Variants in SORCS3 observed in about 807,000 individuals in gnomAD.
SORCS3 encodes the protein VPS10 domain-containing receptor SorCS3.
A neutral mutation model predicts 146.3 loss-of-function variants in SORCS3; 57 were observed. The observed-to-expected ratio is 0.39, with a 90% CI of 0.31 to 0.49. SORCS3 has a LOEUF of 0.49. Among genes scored for constraint, SORCS3 ranks in the 20% least tolerant of loss-of-function variants. The probability of loss-of-function intolerance (pLI) is 0.92; values close to 1 mark genes in which losing one functional copy is unlikely to be tolerated. For missense variants in SORCS3, 1,341 were observed against 1,575.5 expected, an observed-to-expected ratio of 0.85 and a Z score of 2.52; for synonymous variants, 653 against 618.5, an observed-to-expected ratio of 1.06 and a Z score of -0.83.
At chr10:104,794,922 A>G (rs1369477417) in intron 1 of SORCS3, among the ~76,000 whole-genome samples, 1 of 151,882 alleles carries the variant, frequency 6.6e-6, no homozygotes, top group Non-Finnish European at 1.5e-5. Flanking sequence ...AGATGGTCTC[A>G]GTGTGGTAAA....
At chr10:104,845,751 G>A (rs1486064403) in intron 2 of SORCS3, among the ~76,000 whole-genome samples, 3 of 152,194 alleles carry the variant, frequency 2.0e-5, no homozygotes, top group Non-Finnish European at 4.4e-5. Context: ...ACCAATTTCT[G>A]TCTAGTCAAA....
intron 4 of SORCS3, among the ~76,000 whole-genome samples, chr10:105,004,519 C>T (rs1270742348): frequency 6.6e-6 from 1 of 152,104 alleles, no homozygotes; most frequent in African/African-American, 2.4e-5. Context: ...CTGCCAGAAA[C>T]TTGGGGACTA....
chr10:104,940,229 T>TA (rs2019301390), intron 3 of SORCS3, among the ~76,000 whole-genome samples: 2 of 17,064 alleles, frequency 1.2e-4, no homozygotes, highest in Non-Finnish European at 1.9e-4. Flanking sequence ...TATATATATA[T>TA]ATATATATAT....
Position 105,157,247 on chromosome 10 carries a change from A to T in SORCS3, c.1592A>T (p.Asp531Val). 6.2e-7 allele frequency: 1 copy of T among 1,614,058 alleles called. No homozygotes were observed. The highest frequency in any genetic ancestry group is 8.5e-7 in the Non-Finnish European group (1 of 1,179,956). ...GATTGGCGCCTGCTGCAAGCTCCGG[A>T]TGTGGACCTGAGAGGAAGCCCAGTG... is the stretch of plus-strand genomic sequence containing the variant. ...GRDWRLLQAP[D>V]VDLRGSPVHC... Residue 531 changes from aspartate to valine, a missense_variant, in exon 10 of 27, where the codon GAT (aspartate) becomes GTT (valine). By Grantham distance (152) the Asp-to-Val change is radical. Transcript: ENST00000369701.
At chr10:104,932,022 C>T (rs907717250) in intron 3 of SORCS3, among the ~76,000 whole-genome samples, 3 of 152,128 alleles carry the variant, frequency 2.0e-5, no homozygotes, top group Non-Finnish European at 2.9e-5. Context: ...ACTTAGTGTG[C>T]ACGTTAGCTC....
intron 20 of SORCS3, among the ~76,000 whole-genome samples, chr10:105,228,398 T>G (rs565793430): frequency 6.6e-6 from 1 of 151,820 alleles, no homozygotes; most frequent in South Asian, 2.1e-4. Flanking sequence ...TCTTTCCTTC[T>G]GTTTCTTCTT....
At chr10:104,763,585 A>T (rs1294585449) in intron 1 of SORCS3, among the ~76,000 whole-genome samples, 1 of 152,218 alleles carries the variant, frequency 6.6e-6, no homozygotes, top group Non-Finnish European at 1.5e-5. Flanking sequence ...TTCCCTTATG[A>T]TGGCCACTCT....
At chr10:104,915,755 A>G (rs929655412) in intron 2 of SORCS3, 78 bp from the exon 3 acceptor site, 141 of 1,207,966 alleles carry the variant, frequency 1.2e-4, no homozygotes, top group Non-Finnish European at 1.6e-4. Context: ...CGGTCGAGGG[A>G]GAACCTGGCT....
chr10:105,154,380 G>A (rs2056190826), intron 9 of SORCS3, among the ~76,000 whole-genome samples: 1 of 152,232 alleles, frequency 6.6e-6, no homozygotes, highest in Admixed American at 6.5e-5. Flanking sequence ...GTCTCTGGGA[G>A]GTGACCAACA....
At chr10:105,138,196 A>C (rs10884103) in intron 7 of SORCS3, among the ~76,000 whole-genome samples, 16,900 of 152,210 alleles carry the variant, frequency 0.11, 1,105 homozygotes, top group Admixed American at 0.17. Context: ...CTTTGCACCA[A>C]GTTTTTCCAA....
intron 4 of SORCS3, among the ~76,000 whole-genome samples, chr10:104,983,952 G>A (rs1488344320): frequency 1.3e-5 from 2 of 152,032 alleles, no homozygotes; most frequent in Non-Finnish European, 2.9e-5. Flanking sequence ...CATCTCATGA[G>A]TCTGATGAAT....
intron 1 of SORCS3, among the ~76,000 whole-genome samples, chr10:104,799,438 A>C (rs1374104994): frequency 1.3e-5 from 2 of 152,162 alleles, no homozygotes; most frequent in African/African-American, 4.8e-5. Flanking sequence ...GCAAGCTATC[A>C]CAAGATCAGA....
intron 7 of SORCS3, among the ~76,000 whole-genome samples, chr10:105,116,810 C>T (rs2055896631): frequency 6.6e-6 from 1 of 152,144 alleles, no homozygotes; most frequent in Admixed American, 6.5e-5. Flanking sequence ...CTCACGTTCT[C>T]ACTTGTAAGT....
rs746365614 is a variant in SORCS3 at position 105,245,634 on chromosome 10, C to T, written c.2961C>T (p.Leu987=). The change falls in exon 21 of 27, where the codon CTC becomes CTT. Residue 987 remains leucine (L), a synonymous_variant. Coordinates refer to ENST00000369701, the MANE Select transcript of SORCS3 (RefSeq NM_014978.3). ...TCCAGGTGGCTGCTGGGAATGCCCTCATCCAGGACACAAAAGAGATTGCAG... is the reference window on the plus strand; with the variant it reads ...TCCAGGTGGCTGCTGGGAATGCCCTTATCCAGGACACAAAAGAGATTGCAG... ...ITVQVAAGNA[L]IQDTKEIAVH... is the part of the protein sequence containing the mutation. The T allele has an allele frequency of 2.5e-6, 4 of 1,614,112 alleles. No individual in the cohort carries two copies. The highest frequency in any genetic ancestry group is 3.4e-6 in the Non-Finnish European group (4 of 1,180,004).
intron 14 of SORCS3, 45 bp from the exon 15 acceptor site, chr10:105,199,954 G>A (rs375483072): frequency 5.7e-6 from 8 of 1,395,012 alleles, no homozygotes; most frequent in African/African-American, 5.7e-5. Flanking sequence ...ACTGACTATG[G>A]GACTTTCTCC....
intron 1 of SORCS3, among the ~76,000 whole-genome samples, chr10:104,704,167 G>GA (rs1265637392): frequency 3.2e-4 from 31 of 98,106 alleles, no homozygotes; most frequent in African/African-American, 1.2e-3. Context: ...TTCCTTCTAT[G>GA]ACTTTTTTTT....
intron 21 of SORCS3, 107 bp downstream of exon 21, chr10:105,245,772 A>G (rs553296918): frequency 7.3e-6 from 10 of 1,366,902 alleles, no homozygotes; most frequent in Middle Eastern, 3.7e-4. Context: ...AGGCCCTGGG[A>G]AAATTACATA....
At chr10:104,996,470 G>T (rs1483015322) in intron 4 of SORCS3, among the ~76,000 whole-genome samples, 1 of 151,860 alleles carries the variant, frequency 6.6e-6, no homozygotes, top group African/African-American at 2.4e-5. Context: ...TTTTTAAATG[G>T]CATTTAAAAA....
At position 104,905,359 on chromosome 10, in the gene SORCS3, A is replaced by G. The variant is rs1407297983; in HGVS notation, c.696-10474A>G. Among the ~76,000 whole-genome samples the G allele has an allele frequency of 7.3e-5, 5 of 68,184 alleles. No individual in the cohort carries two copies. The East Asian group carries it at 1.1e-3, about 15-fold the overall frequency. The allele number at this position is 68,184 out of a possible 152,430, so 44.7% of individuals were successfully genotyped here. A position where few individuals can be genotyped will look rare whatever the true frequency, so the allele number is the denominator to read the frequency against. Reference sequence around the variant, plus strand: ...CTTCTTCTTGCCTGTGTTGGAAAACACCATGTGTTGGAAGACTTTAGCCCT... The same window carrying G: ...CTTCTTCTTGCCTGTGTTGGAAAACGCCATGTGTTGGAAGACTTTAGCCCT... On this transcript the variant is annotated intron_variant, in intron 2 of 26. Transcript: ENST00000369701.
Sources: allele counts gnomAD v4.1 joint callset (sites outside exome capture counted in the v4.1 genomes callset), GRCh38; gene constraint gnomAD v4.1.1; transcripts MANE v1.5; gene names NCBI Gene and HGNC (gene_info 2026-07-23, HGNC 2026-07-21).